CENPK: variants seen among roughly 807,000 people sequenced by gnomAD.
CENPK encodes the protein centromere protein K.
CENPK carries 46 observed loss-of-function variants against 40.9 expected under a neutral mutation model. That is an observed-to-expected ratio of 1.13 (90% CI 0.89 to 1.44). The LOEUF (loss-of-function observed/expected upper bound fraction) is 1.44, where lower values mean the gene tolerates loss of function less well. CENPK is among the 40% of genes most tolerant of loss of function. The pLI, the probability that CENPK is intolerant of heterozygous loss-of-function variation, is 0.00. For synonymous variants in CENPK, 107 were observed against 104.4 expected (o/e 1.02, Z -0.15); for missense variants, 288 against 303.5 (o/e 0.95, Z 0.38).
Position 65,518,404 on chromosome 5 carries a change from C to T in CENPK, c.*71G>A. On this transcript the variant is annotated 3_prime_UTR_variant, in exon 11 of 11. Coordinates refer to ENST00000396679, the MANE Select transcript of CENPK (RefSeq NM_022145.5). ...TAATTTGCAAATAATGTTTTTTATC[C>T]AAATAGTCCTGTGGTTCCAATATCC... 3 of 1,462,752 alleles carry T rather than the reference C, an allele frequency of 2.1e-6. No individual in the cohort carries two copies. Among genetic ancestry groups the T allele is most frequent in the Non-Finnish European group, 1.9e-6 (2 of 1,074,660 alleles). 90.6% of individuals were successfully genotyped at this position (1,462,752 alleles called of 1,614,324 possible).
chr5:65,499,966 G>A, the CENPK span, among the ~76,000 whole-genome samples: 2 of 85,944 alleles, frequency 2.3e-5, no homozygotes, highest in African/African-American at 9.0e-5. Context: ...GTGGTTTCCA[G>A]TTTCATCCAT....
chr5:65,544,394 T>TAAC (rs1358960517), intron 5 of CENPK, among the ~76,000 whole-genome samples: 1 of 152,188 alleles, frequency 6.6e-6, no homozygotes, highest in East Asian at 1.9e-4. Flanking sequence ...TAACAAGTGT[T>TAAC]AACAAGGATG....
intron 9 of CENPK, among the ~76,000 whole-genome samples, chr5:65,526,491 A>G (rs1456127864): frequency 6.6e-6 from 1 of 152,262 alleles, no homozygotes; most frequent in Admixed American, 6.5e-5. Context: ...TCCTTTTCCT[A>G]GTATATTCAC....
Position 65,518,348 on chromosome 5 carries a change from T to G in CENPK, c.*127A>C, listed in dbSNP as rs11952932. 28,534 of 868,142 alleles carry G rather than the reference T, an allele frequency of 0.033. 1,021 individuals are homozygous for G. The highest frequency in any genetic ancestry group is 0.12 in the African/African-American group (7,063 of 57,774). 53.8% of individuals were successfully genotyped at this position (868,142 alleles called of 1,614,324 possible). A position where few individuals can be genotyped will look rare whatever the true frequency, so the allele number is the denominator to read the frequency against. ...ATAATAGATGGCAGCACATGCCATT[T>G]TGCAATAAAAGTAAGATGGCCTATG... On this transcript the variant is annotated 3_prime_UTR_variant, in exon 11 of 11. Coordinates refer to ENST00000396679, the MANE Select transcript of CENPK (RefSeq NM_022145.5).
At position 65,534,035 on chromosome 5, in the gene CENPK, G is replaced by A. The variant is rs537937541; in HGVS notation, c.289-4836C>T. On this transcript the variant is annotated intron_variant, in intron 6 of 10. Transcript: ENST00000396679. Reference sequence around the variant, plus strand: ...TGCACTCTAGCCTGGGTGACAGAGCGAGACACCGTCTCAACAAAAAAAAAA... The same window carrying A: ...TGCACTCTAGCCTGGGTGACAGAGCAAGACACCGTCTCAACAAAAAAAAAA... Among the ~76,000 whole-genome samples the A allele has an allele frequency of 1.6e-4, 17 of 108,034 alleles. No individual in the cohort carries two copies. In the Admixed American group the frequency reaches 2.1e-3, roughly 14 times the overall value. 70.9% of individuals were successfully genotyped at this position (108,034 alleles called of 152,430 possible).
intron 5 of CENPK, among the ~76,000 whole-genome samples, chr5:65,545,410 A>G (rs1748754776): frequency 6.6e-6 from 1 of 151,270 alleles, no homozygotes; most frequent in African/African-American, 2.4e-5. Flanking sequence ...AACCGATCAG[A>G]ATGACAGCAC....
At chr5:65,519,446 C>T (rs569072862) in intron 10 of CENPK, among the ~76,000 whole-genome samples, 22 of 152,304 alleles carry the variant, frequency 1.4e-4, no homozygotes, top group African/African-American at 5.1e-4. Context: ...GCCTCCTCAG[C>T]TATCTTCCGG....
At chr5:65,529,329 A>G (rs1745307061) in intron 6 of CENPK, 130 bp from the exon 7 acceptor site, 2 of 624,748 alleles carry the variant, frequency 3.2e-6, no homozygotes, top group Non-Finnish European at 5.5e-6. Context: ...CCTAGCAGAA[A>G]GCATTTGAAA....
downstream of CENPK, among the ~76,000 whole-genome samples, chr5:65,514,263 G>GTTTTTTTTTTTTTTTTT (rs59636233): frequency 8.7e-4 from 24 of 27,708 alleles, 2 homozygotes; most frequent in Non-Finnish European, 1.0e-3. Flanking sequence ...TTTTTTTTTA[G>GTTTTTTTTTTTTTTTTT]TTTTTTTTAG....
intron 5 of CENPK, chr5:65,551,140 C>T (rs747327660): frequency 1.0e-5 from 4 of 393,922 alleles, no homozygotes; most frequent in South Asian, 7.3e-5. Flanking sequence ...GTCCTAGCTA[C>T]TCAGGAGGCT....
chr5:65,562,439 G>A (rs770700648), intron 1 of CENPK, among the ~76,000 whole-genome samples: 12 of 152,160 alleles, frequency 7.9e-5, no homozygotes, highest in Non-Finnish European at 1.6e-4. Flanking sequence ...TTCCTTCCCT[G>A]TACGTGGTGC....
intron 8 of CENPK, 61 bp downstream of exon 8, chr5:65,528,858 A>T: frequency 9.1e-7 from 1 of 1,103,556 alleles, no homozygotes; most frequent in Non-Finnish European, 1.3e-6. Context: ...TCTATGTTTC[A>T]TGTAACACAA....
At chr5:65,550,445 G>C (rs1028417424) in intron 5 of CENPK, 1 of 152,170 alleles carries the variant, frequency 6.6e-6, no homozygotes. Flanking sequence ...AGAGATGGGG[G>C]AACAACTGGT....
downstream of CENPK, among the ~76,000 whole-genome samples, chr5:65,514,792 G>A (rs545591369): frequency 3.9e-5 from 6 of 152,260 alleles, no homozygotes; most frequent in East Asian, 1.9e-4. Flanking sequence ...GGTAGGTTGC[G>A]TCTTTCACAA....
the CENPK span, among the ~76,000 whole-genome samples, chr5:65,506,932 A>G: frequency 6.6e-6 from 1 of 152,166 alleles, no homozygotes; most frequent in African/African-American, 2.4e-5. Context: ...AGGTGTTGCT[A>G]CTAGCTAGGA....
At chr5:65,524,867 T>C (rs1017605786) in intron 9 of CENPK, among the ~76,000 whole-genome samples, 2 of 152,174 alleles carry the variant, frequency 1.3e-5, no homozygotes, top group African/African-American at 2.4e-5. Flanking sequence ...TTCTTATCTT[T>C]TACAGCAGAG....
Position 65,521,541 on chromosome 5 carries a change from T to C in CENPK, c.598-13A>G, listed in dbSNP as rs761728763. 2.6e-6 allele frequency: 4 copies of C among 1,565,636 alleles called. No homozygotes were observed. In the Admixed American group the frequency reaches 6.8e-5, roughly 26 times the overall value. ...CTTGAATGTTTTTCTTCAAGAGAAA[T>C]GTGAATAACAAACAATTACCACTTC... On this transcript the variant is annotated splice_polypyrimidine_tract_variant and intron_variant, in intron 9 of 10. Transcript: ENST00000396679.
the CENPK span, among the ~76,000 whole-genome samples, chr5:65,496,205 C>A: frequency 7.2e-5 from 11 of 152,174 alleles, no homozygotes; most frequent in African/African-American, 2.7e-4. Context: ...TTGCAGTGAG[C>A]CATGATTATA....
At chr5:65,560,761 T>C (rs1751821381) in intron 2 of CENPK, among the ~76,000 whole-genome samples, 1 of 152,196 alleles carries the variant, frequency 6.6e-6, no homozygotes, top group Admixed American at 6.5e-5. Context: ...GCTTGCACTG[T>C]TGGTGGAACA....
Sources: allele counts gnomAD v4.1 joint callset (sites outside exome capture counted in the v4.1 genomes callset), GRCh38; gene constraint gnomAD v4.1.1; transcripts MANE v1.5; gene names NCBI Gene and HGNC (gene_info 2026-07-23, HGNC 2026-07-21).